ARAF: variants seen among roughly 807,000 people sequenced by gnomAD.
The protein encoded by ARAF is serine/threonine-protein kinase A-Raf.
Under a neutral mutation model 48.0 loss-of-function variants are expected in ARAF, and 18 were observed. That is an observed-to-expected ratio of 0.37 (90% CI 0.26 to 0.56). ARAF has a LOEUF of 0.56. Ranked by LOEUF, ARAF falls within the 20% of genes least tolerant of loss-of-function variation. ARAF has a pLI of 0.77. For missense variants in ARAF, 389 were observed against 543.1 expected, an observed-to-expected ratio of 0.72 and a Z score of 2.82; for synonymous variants, 207 against 220.1, an observed-to-expected ratio of 0.94 and a Z score of 0.53.
chrX:47,568,949 A>ACCCCCAG, intron 11 of ARAF, 38 bp from the exon 12 acceptor site: 1 of 1,194,913 alleles, frequency 8.4e-7, no homozygotes, highest in Non-Finnish European at 1.1e-6. Flanking sequence ...AAATGAGGTA[A>ACCCCCAG]CCCCCAGCCA....
Position 47,568,968 on chromosome X carries a change from C to G in ARAF, c.1254-19C>G. 1 of 1,202,731 alleles carries G rather than the reference C, an allele frequency of 8.3e-7. No individual in the cohort carries two copies. The highest frequency in any genetic ancestry group is 1.1e-6 in the Non-Finnish European group (1 of 891,155). Reference sequence around the variant, plus strand: ...GAGGTAACCCCCAGCCAATCCGCCACCTGCCTCCACCCCCACAGCTACCTC... The same window carrying G: ...GAGGTAACCCCCAGCCAATCCGCCAGCTGCCTCCACCCCCACAGCTACCTC... On this transcript the variant is annotated intron_variant, in intron 11 of 15. Coordinates refer to ENST00000377045, the MANE Select transcript of ARAF (RefSeq NM_001654.5).
Position 47,568,794 on chromosome X carries a change from T to A in ARAF, c.1153T>A (p.Cys385Ser). The A allele has an allele frequency of 8.3e-7, 1 of 1,210,848 alleles. No individual in the cohort carries two copies. The highest frequency in any genetic ancestry group is 1.1e-6 in the Non-Finnish European group (1 of 895,137). ...RPGFAIITQW[C>S]EGSSLYHHLH... ...GGGATTTGCCATCATCACACAGTGG[T>A]GTGAGGGCTCCAGCCTCTACCATCA... is the stretch of plus-strand genomic sequence containing the variant. Residue 385 changes from cysteine (C) to serine (S), a missense_variant, in exon 11 of 16, where the codon TGT becomes AGT. Coordinates refer to ENST00000377045, the MANE Select transcript of ARAF (RefSeq NM_001654.5).
Position 47,571,406 on chromosome X carries a change from GGCCGATGAGTTGCCT to G in ARAF, c.1774_1788del (p.Asp592_Ala596del). 8.3e-7 allele frequency: 1 copy of G among 1,209,321 alleles called. No individual in the cohort carries two copies. Among genetic ancestry groups the G allele is most frequent in the East Asian group, 3.0e-5 (1 of 33,751 alleles). On this transcript the variant is annotated inframe_deletion, in exon 16 of 16. Transcript: ENST00000377045. The stretch of plus-strand genomic sequence containing the variant: ...CGGAACCCTCCTTGCACCGCACCCA[GGCCGATGAGTTGCCT>G]GCCTGCCTACTCAGCGCAGCCCGCC...
In ARAF at chrX:47,568,982, C is replaced by A; in HGVS notation, c.1254-5C>A. 8.3e-7 allele frequency: 1 copy of A among 1,204,230 alleles called. No homozygotes were observed. The highest frequency in any genetic ancestry group is 1.1e-6 in the Non-Finnish European group (1 of 891,887). On this transcript the variant is annotated splice_polypyrimidine_tract_variant and splice_region_variant and intron_variant, in intron 11 of 15. Coordinates refer to ENST00000377045, the MANE Select transcript of ARAF (RefSeq NM_001654.5). Reference sequence around the variant, plus strand: ...CCAATCCGCCACCTGCCTCCACCCCCACAGCTACCTCCATGCCAAGAACAT... The same window carrying A: ...CCAATCCGCCACCTGCCTCCACCCCAACAGCTACCTCCATGCCAAGAACAT...
At position 47,563,056 on chromosome X, in the gene ARAF, G is replaced by A. The variant is rs1398289359; in HGVS notation, c.89G>A (p.Arg30His). 8.4e-7 allele frequency: 1 copy of A among 1,195,442 alleles called. No homozygotes were observed. The highest frequency in any genetic ancestry group is 1.1e-6 in the Non-Finnish European group (1 of 886,823). ...AAAGTATACCTGCCCAACAAGCAAC[G>A]CACGGTGGTGAGTCATGGAAGCGAA... ...TVKVYLPNKQ[R>H]TVVTVRDGMS... Residue 30 changes from arginine to histidine, a missense_variant, in exon 2 of 16, where the codon CGC (arginine) becomes CAC (histidine). By Grantham distance (29) the Arg-to-His change is conservative (BLOSUM62 0). Transcript: ENST00000377045.
chrX:47,561,855 C>T (rs2057709938), intron 1 of ARAF, among the ~76,000 whole-genome samples: 1 of 108,317 alleles, frequency 9.2e-6, no homozygotes. Context: ...GTCTGGTGGT[C>T]CACCATTACC....
Position 47,567,231 on chromosome X carries a change from A to T in ARAF, c.875A>T (p.Lys292Met), listed in dbSNP as rs1325945121. The stretch of plus-strand genomic sequence containing the variant: ...AGATGCCACCCATCTGGCCCACAGA[A>T]GAACCTGGGGTACCGGGACTCAGGC... ...KSLADDKKKVKNLGYRDSGYY... is the reference protein window; with the variant it reads ...KSLADDKKKVMNLGYRDSGYY... Residue 292 changes from lysine to methionine, a missense_variant and splice_region_variant, in exon 10 of 16, where the codon AAG becomes ATG. Transcript: ENST00000377045. 8.3e-7 allele frequency: 1 copy of T among 1,211,902 alleles called. No homozygotes were observed. The highest frequency in any genetic ancestry group is 1.1e-6 in the Non-Finnish European group (1 of 895,482).
chrX:47,567,227 C>T lies in ARAF; in HGVS notation c.874-3C>T, dbSNP rs754922399. On this transcript the variant is annotated splice_region_variant and splice_polypyrimidine_tract_variant and intron_variant, in intron 9 of 15. Transcript: ENST00000377045. ...TCTTAGATGCCACCCATCTGGCCCA[C>T]AGAAGAACCTGGGGTACCGGGACTC... is the stretch of plus-strand genomic sequence containing the variant. 5.8e-6 allele frequency: 7 copies of T among 1,211,606 alleles called. No individual in the cohort carries two copies. The highest frequency in any genetic ancestry group is 7.8e-6 in the Non-Finnish European group (7 of 895,377).
In ARAF at chrX:47,563,180, G is replaced by A. The variant is rs748829115; in HGVS notation, c.97-46G>A. 19 of 1,167,017 alleles carry A rather than the reference G, an allele frequency of 1.6e-5. No homozygotes were observed. In the South Asian group the frequency reaches 1.7e-4, roughly 10 times the overall value. On this transcript the variant is annotated intron_variant, in intron 2 of 15. Coordinates refer to ENST00000377045, the MANE Select transcript of ARAF (RefSeq NM_001654.5). ...GCAGAAGGATGGGAACATCAGCTGC[G>A]CTTCTGTTGGGCATTGAGGACCCCT... is the stretch of plus-strand genomic sequence containing the variant.
At position 47,569,324 on chromosome X, in the gene ARAF, G is replaced by A. The variant is rs150631376; in HGVS notation, c.1301-215G>A. 814 of 459,908 alleles carry A rather than the reference G, an allele frequency of 1.8e-3. 5 individuals carry two copies. Among genetic ancestry groups the A allele is most frequent in the African/African-American group, 0.017 (683 of 40,785 alleles). 37.9% of individuals were successfully genotyped at this position (459,908 alleles called of 1,213,427 possible). On this transcript the variant is annotated intron_variant, in intron 12 of 15. Coordinates refer to ENST00000377045, the MANE Select transcript of ARAF (RefSeq NM_001654.5). ...TAGTGGGTTCGGATGCCCTCCGAGG[G>A]GCTTCCTGTTCAGGAGTCACAGCGG...
rs2147905484 is a variant in ARAF at position 47,566,670 on chromosome X, T to C, written c.589T>C (p.Phe197Leu). Residue 197 changes from phenylalanine (F) to leucine (L), a missense_variant, in exon 7 of 16, where the codon TTC (phenylalanine) becomes CTC (leucine). Phe to Leu is a conservative substitution (Grantham distance 22). Coordinates refer to ENST00000377045, the MANE Select transcript of ARAF (RefSeq NM_001654.5). Reference sequence around the variant, plus strand: ...CACCCAGCACTGTGACCCGGAGCACTTCCCCTTCCCTGCCCCAGCCAATGC... The same window carrying C: ...CACCCAGCACTGTGACCCGGAGCACCTCCCCTTCCCTGCCCCAGCCAATGC... ...PRTQHCDPEH[F>L]PFPAPANAPL... is the part of the protein sequence containing the mutation. 1 of 1,183,382 alleles carries C rather than the reference T, an allele frequency of 8.5e-7. No homozygotes were observed. The highest frequency in any genetic ancestry group is 1.1e-6 in the Non-Finnish European group (1 of 880,087).
intron 15 of ARAF, 42 bp from the exon 16 acceptor site, chrX:47,571,281 A>T: frequency 8.4e-7 from 1 of 1,185,286 alleles, no homozygotes; most frequent in Non-Finnish European, 1.1e-6. Flanking sequence ...TGGGATGCCC[A>T]CAGGGCTCTG....
intron 14 of ARAF, among the ~76,000 whole-genome samples, chrX:47,570,661 A>T (rs2057751842): frequency 9.0e-6 from 1 of 111,135 alleles, no homozygotes; most frequent in African/African-American, 3.3e-5. Flanking sequence ...TGAGCCCCAG[A>T]TACCTACAAT....
intron 5 of ARAF, 47 bp downstream of exon 5, chrX:47,565,186 C>T (rs1340122793): frequency 8.3e-7 from 1 of 1,208,516 alleles, no homozygotes; most frequent in South Asian, 1.8e-5. Flanking sequence ...CACAGAGGCC[C>T]AGCCACGAGG....
Position 47,571,706 on chromosome X carries a change from G to A in ARAF, c.*249G>A. The A allele has an allele frequency of 5.4e-6, 2 of 371,924 alleles. No individual in the cohort carries two copies. Among genetic ancestry groups the A allele is most frequent in the Non-Finnish European group, 9.0e-6 (2 of 221,072 alleles). 30.7% of individuals were successfully genotyped at this position (371,924 alleles called of 1,213,427 possible). A position where few individuals can be genotyped will look rare whatever the true frequency, so the allele number is the denominator to read the frequency against. On this transcript the variant is annotated 3_prime_UTR_variant, in exon 16 of 16. Transcript: ENST00000377045. Reference sequence around the variant, plus strand: ...GGCTTTGGGGATACTTCTAAATTTTGGGAGCTCCTCCATCTCCAATGGCTG... The same window carrying A: ...GGCTTTGGGGATACTTCTAAATTTTAGGAGCTCCTCCATCTCCAATGGCTG...
Position 47,571,416 on chromosome X carries a change from T to TTGCC in ARAF, c.1790_1793dup (p.Leu599ProfsTer40), listed in dbSNP as rs777673041. 3.0e-5 allele frequency: 36 copies of TTGCC among 1,206,759 alleles called. No individual in the cohort carries two copies. Among genetic ancestry groups the TTGCC allele is most frequent in the East Asian group, 1.5e-4 (5 of 33,653 alleles). ...CTTGCACCGCACCCAGGCCGATGAGTTGCCTGCCTGCCTACTCAGCGCAGC... is the reference window on the plus strand; with the variant it reads ...CTTGCACCGCACCCAGGCCGATGAGTTGCCTGCCTGCCTGCCTACTCAGCGCAGC... On this transcript the variant is annotated frameshift_variant, in exon 16 of 16. Coordinates refer to ENST00000377045, the MANE Select transcript of ARAF (RefSeq NM_001654.5). LOFTEE classifies it high-confidence loss of function.
Position 47,567,056 on chromosome X carries a change from G to T in ARAF, c.798G>T (p.Gly266=). 8.2e-7 allele frequency: 1 copy of T among 1,212,168 alleles called. No homozygotes were observed. Reference sequence around the variant, plus strand: ...CCAGCCCAGCCAGCGTGTCCTCGGGGAGGAAGTCCCCACATTCCAAGTCAC... The same window carrying T: ...CCAGCCCAGCCAGCGTGTCCTCGGGTAGGAAGTCCCCACATTCCAAGTCAC... ...GSPSPASVSS[G]RKSPHSKSPA... Residue 266 remains glycine (G), a synonymous_variant, in exon 9 of 16, where the codon GGG becomes GGT. Coordinates refer to ENST00000377045, the MANE Select transcript of ARAF (RefSeq NM_001654.5).
intron 12 of ARAF, 126 bp from the exon 13 acceptor site, chrX:47,569,413 T>G: frequency 3.5e-6 from 2 of 564,678 alleles, no homozygotes; most frequent in Non-Finnish European, 5.8e-6. Context: ...ATAGTTTGCG[T>G]GATATTAAGG....
Position 47,565,029 on chromosome X carries a change from T to G in ARAF, c.348T>G (p.Leu116=). The stretch of plus-strand genomic sequence containing the variant: ...GCCTGGCGTTCTGTGACTTCTGCCT[T>G]AAGTTTCTGTTCCATGGCTTCCGTT... ...FFSLAFCDFC[L]KFLFHGFRCQ... The change falls in exon 5 of 16, where the codon CTT becomes CTG. Residue 116 remains leucine (L), a synonymous_variant. Coordinates refer to ENST00000377045, the MANE Select transcript of ARAF (RefSeq NM_001654.5). The G allele has an allele frequency of 1.7e-6, 2 of 1,211,627 alleles. No homozygotes were observed. Among genetic ancestry groups the G allele is most frequent in the Middle Eastern group, 4.6e-4 (2 of 4,355 alleles).
Sources: allele counts gnomAD v4.1 joint callset (sites outside exome capture counted in the v4.1 genomes callset), GRCh38; gene constraint gnomAD v4.1.1; transcripts MANE v1.5; gene names NCBI Gene and HGNC (gene_info 2026-07-23, HGNC 2026-07-21).